Variants in ADAM12 observed in about 807,000 individuals in gnomAD.
The protein encoded by ADAM12 is disintegrin and metalloproteinase domain-containing protein 12.
A neutral mutation model predicts 106.4 loss-of-function variants in ADAM12; 70 were observed. That is an observed-to-expected ratio of 0.66 (90% CI 0.54 to 0.80). The LOEUF (loss-of-function observed/expected upper bound fraction) is 0.80, where lower values mean the gene tolerates loss of function less well. Among genes scored for constraint, ADAM12 ranks in the 30% least tolerant of loss-of-function variants. ADAM12 has a pLI of 0.00. For missense variants in ADAM12, 1,010 were observed against 1,171.9 expected, an observed-to-expected ratio of 0.86 and a Z score of 2.02; for synonymous variants, 420 against 433.5, an observed-to-expected ratio of 0.97 and a Z score of 0.39.
At chr10:126,295,330 A>T (rs1184891466) in intron 2 of ADAM12, among the ~76,000 whole-genome samples, 3 of 152,174 alleles carry the variant, frequency 2.0e-5, no homozygotes, top group African/African-American at 7.2e-5. Context: ...AGTTTCTATC[A>T]CAACTTGGAC....
chr10:126,168,851 G>A (rs1439546525), intron 3 of ADAM12, among the ~76,000 whole-genome samples: 4 of 151,980 alleles, frequency 2.6e-5, no homozygotes, highest in Admixed American at 6.5e-5. Flanking sequence ...TCAGGAGTTC[G>A]AGACCAGCCT....
intron 1 of ADAM12, among the ~76,000 whole-genome samples, chr10:126,383,461 A>T (rs762500657): frequency 2.6e-5 from 4 of 152,180 alleles, no homozygotes; most frequent in Non-Finnish European, 5.9e-5. Context: ...CGAATATAAG[A>T]AAGTATACTA....
intron 3 of ADAM12, among the ~76,000 whole-genome samples, chr10:126,171,064 T>C (rs1565112962): frequency 6.6e-6 from 1 of 152,228 alleles, no homozygotes; most frequent in Non-Finnish European, 1.5e-5. Context: ...GCTTCCTCCA[T>C]ATGGACTCTC....
chr10:126,028,867 T>C (rs998235484), intron 21 of ADAM12, among the ~76,000 whole-genome samples: 1 of 152,094 alleles, frequency 6.6e-6, no homozygotes, highest in Non-Finnish European at 1.5e-5. Context: ...TTTCAATCTA[T>C]CCATCTGACA....
At position 126,329,933 on chromosome 10, in the gene ADAM12, C is replaced by T. The variant is rs1854443639; in HGVS notation, c.186+479G>A. ...ATATTAAATTTAATCACTATTATTT[C>T]AATTATTTTATATTATTCTTTTACA... is the stretch of plus-strand genomic sequence containing the variant. On this transcript the variant is annotated intron_variant, in intron 2 of 22. Coordinates refer to ENST00000448723, the MANE Select transcript of ADAM12 (RefSeq NM_001288973.2). Among the ~76,000 whole-genome samples the T allele has an allele frequency of 2.0e-5, 3 of 152,122 alleles. No individual in the cohort carries two copies. In the South Asian group the frequency reaches 6.2e-4, roughly 31 times the overall value.
At chr10:126,247,383 A>T (rs1565165120) in intron 3 of ADAM12, among the ~76,000 whole-genome samples, 1 of 152,224 alleles carries the variant, frequency 6.6e-6, no homozygotes, top group African/African-American at 2.4e-5. Context: ...TGTCAACAAA[A>T]CCAGCAACGA....
chr10:126,128,321 C>T (rs992715844), intron 5 of ADAM12, among the ~76,000 whole-genome samples: 2 of 152,010 alleles, frequency 1.3e-5, no homozygotes, highest in African/African-American at 2.4e-5. Context: ...GAGAGGGTGG[C>T]GATTTCAAGG....
intron 1 of ADAM12, among the ~76,000 whole-genome samples, chr10:126,382,139 C>A (rs1371591920): frequency 6.6e-6 from 1 of 151,600 alleles, no homozygotes; most frequent in Non-Finnish European, 1.5e-5. Context: ...TAAGCAGAAC[C>A]CTGGAAAGGT....
rs113735451 is a variant in ADAM12, at chr10:126,083,704, A to G, written c.1145+10281T>C. Among the ~76,000 whole-genome samples the G allele has an allele frequency of 3.7e-3, 568 of 152,244 alleles. 7 individuals are homozygous for G. Among genetic ancestry groups the G allele is most frequent in the African/African-American group, 0.013 (544 of 41,562 alleles). The stretch of plus-strand genomic sequence containing the variant: ...CTGCAAGCCTGTTGAGACCCTAATG[A>G]GCTGCAGGCAGGGGAAATAGGCGCC... On this transcript the variant is annotated intron_variant, in intron 11 of 22. Transcript: ENST00000448723.
At chr10:126,322,378 C>T (rs1346783908) in intron 2 of ADAM12, among the ~76,000 whole-genome samples, 1 of 152,200 alleles carries the variant, frequency 6.6e-6, no homozygotes, top group African/African-American at 2.4e-5. Flanking sequence ...TGTCCTTCCA[C>T]ATCTTTTCTC....
In ADAM12 at chr10:126,053,000, T is replaced by C. The variant is rs148020017; in HGVS notation, c.1610-3331A>G. On this transcript the variant is annotated intron_variant, in intron 14 of 22. Coordinates refer to ENST00000448723, the MANE Select transcript of ADAM12 (RefSeq NM_001288973.2). ...GGAGGTAGGACCTGGTAGGAGGCGA[T>C]TGGATCATGGGGGCAGTTTCTCTTG... Among the ~76,000 whole-genome samples the C allele has an allele frequency of 2.0e-3, 312 of 152,252 alleles. 2 individuals are homozygous for C. The highest frequency in any genetic ancestry group is 7.2e-3 in the African/African-American group (301 of 41,554).
In ADAM12 at chr10:126,202,499, TTCTCTC is replaced by T. The variant is rs139026512; in HGVS notation, c.261-47200_261-47195del. The stretch of plus-strand genomic sequence containing the variant: ...GAAAAACCCCAAAATGCTCTACTAC[TTCTCTC>T]TCTCTCTCTCTCTCTCTTTAACCAG... On this transcript the variant is annotated intron_variant, in intron 3 of 22. Transcript: ENST00000448723. Among the ~76,000 whole-genome samples, 57 of 149,544 alleles carry T rather than the reference TTCTCTC, an allele frequency of 3.8e-4. 1 individual carries two copies. Among genetic ancestry groups the T allele is most frequent in the African/African-American group, 1.2e-3 (50 of 40,958 alleles).
At chr10:126,178,045 G>A (rs187986594) in intron 3 of ADAM12, among the ~76,000 whole-genome samples, 54 of 152,188 alleles carry the variant, frequency 3.5e-4, no homozygotes, top group Non-Finnish European at 2.2e-4. Flanking sequence ...AACAGTAACC[G>A]GGAAAGTTTT....
chr10:126,283,298 A>C (rs1452931146), intron 2 of ADAM12, among the ~76,000 whole-genome samples: 1 of 151,742 alleles, frequency 6.6e-6, no homozygotes. Flanking sequence ...GGGGTTGGGG[A>C]CCCCTGCCTT....
At chr10:126,061,876 T>C (rs1954763276) in intron 14 of ADAM12, among the ~76,000 whole-genome samples, 1 of 152,176 alleles carries the variant, frequency 6.6e-6, no homozygotes, top group South Asian at 2.1e-4. Context: ...ATTAAGTTTG[T>C]GCTAATTTGT....
At chr10:126,361,292 T>A (rs1472941739) in intron 1 of ADAM12, among the ~76,000 whole-genome samples, 1 of 152,014 alleles carries the variant, frequency 6.6e-6, no homozygotes, top group Non-Finnish European at 1.5e-5. Context: ...GAAGAAAACA[T>A]AAATAAATGA....
chr10:126,252,417 G>A (rs1368275047), intron 3 of ADAM12, among the ~76,000 whole-genome samples: 1 of 152,128 alleles, frequency 6.6e-6, no homozygotes, highest in African/African-American at 2.4e-5. Flanking sequence ...GAAGTTGGTG[G>A]CATATCTCAG....
intron 3 of ADAM12, among the ~76,000 whole-genome samples, chr10:126,181,072 ATTT>A (rs35075200): frequency 3.6e-5 from 5 of 140,718 alleles, no homozygotes; most frequent in African/African-American, 7.9e-5. Flanking sequence ...CTACATAGGG[ATTT>A]TTTTTTTTTT....
intron 3 of ADAM12, among the ~76,000 whole-genome samples, chr10:126,170,427 TA>T (rs1181229407): frequency 7.9e-4 from 110 of 139,502 alleles, no homozygotes; most frequent in East Asian, 1.9e-3. Context: ...GTTTTTCCTT[TA>T]AAAAAAAAAA....
Sources: gnomAD v4.1 joint callset for allele counts (sites outside exome capture counted in the v4.1 genomes callset) on GRCh38, gnomAD v4.1.1 for gene constraint, MANE v1.5 for transcripts, NCBI Gene and HGNC (gene_info 2026-07-23, HGNC 2026-07-21) for gene names.